The following ROBO2 variants were observed in gnomAD, a reference collection of about 807,000 sequenced individuals.
ROBO2 encodes the protein roundabout guidance receptor 2, also known as roundabout homolog 2.
A neutral mutation model predicts 160.8 loss-of-function variants in ROBO2; 53 were observed. That is an observed-to-expected ratio of 0.33 (90% CI 0.26 to 0.41). The LOEUF is 0.41. Ranked by LOEUF, ROBO2 falls within the 10% of genes least tolerant of loss-of-function variation. The probability of loss-of-function intolerance (pLI) is 1.00; values close to 1 mark genes in which losing one functional copy is unlikely to be tolerated. For missense variants in ROBO2, 1,577 were observed against 1,722.4 expected, an observed-to-expected ratio of 0.92 and a Z score of 1.49; for synonymous variants, 664 against 611.7, an observed-to-expected ratio of 1.09 and a Z score of -1.26.
intron 2 of ROBO2, among the ~76,000 whole-genome samples, chr3:76,237,220 T>G (rs768044621): frequency 3.9e-5 from 6 of 152,138 alleles, no homozygotes; most frequent in Non-Finnish European, 7.4e-5. Context: ...GATACCTAAA[T>G]CTTGGTGTTA....
At chr3:77,321,036 T>C (rs1378353395) in intron 2 of ROBO2, among the ~76,000 whole-genome samples, 1 of 152,186 alleles carries the variant, frequency 6.6e-6, no homozygotes, top group Non-Finnish European at 1.5e-5. Context: ...TCTAGTTGAC[T>C]AAGAAGATAG....
intron 1 of ROBO2, among the ~76,000 whole-genome samples, chr3:77,052,650 A>G (rs1359495761): frequency 6.6e-6 from 1 of 152,216 alleles, no homozygotes; most frequent in Non-Finnish European, 1.5e-5. Context: ...AATTGTGGCT[A>G]CTGTCAAATA....
At chr3:77,116,131 T>C (rs1161979873) in intron 2 of ROBO2, among the ~76,000 whole-genome samples, 1 of 152,186 alleles carries the variant, frequency 6.6e-6, no homozygotes, top group Non-Finnish European at 1.5e-5. Context: ...CGAATCCTGT[T>C]GGAGAAATCA....
intron 2 of ROBO2, among the ~76,000 whole-genome samples, chr3:76,179,953 C>T (rs1304746880): frequency 6.6e-6 from 1 of 152,170 alleles, no homozygotes; most frequent in Admixed American, 6.6e-5. Flanking sequence ...AGAACCGGTA[C>T]CTGATTTAGC....
intron 2 of ROBO2, among the ~76,000 whole-genome samples, chr3:77,357,812 T>C (rs1417577376): frequency 6.6e-6 from 1 of 152,110 alleles, no homozygotes; most frequent in Non-Finnish European, 1.5e-5. Context: ...AGTAGGGAAA[T>C]GGAAAGTAAA....
At chr3:77,460,667 G>A (rs962070307) in intron 2 of ROBO2, among the ~76,000 whole-genome samples, 2 of 152,114 alleles carry the variant, frequency 1.3e-5, no homozygotes, top group Admixed American at 1.3e-4. Flanking sequence ...CAATGCTTTC[G>A]TGGTAATGAT....
At chr3:76,570,447 C>A (rs1278334150) in intron 2 of ROBO2, among the ~76,000 whole-genome samples, 1 of 152,102 alleles carries the variant, frequency 6.6e-6, no homozygotes, top group Non-Finnish European at 1.5e-5. Flanking sequence ...ACATCTAGAG[C>A]GCTTTAAAAT....
chr3:77,516,340 G>A (rs1353632495), intron 5 of ROBO2, among the ~76,000 whole-genome samples: 2 of 151,386 alleles, frequency 1.3e-5, no homozygotes, highest in Non-Finnish European at 3.0e-5. Flanking sequence ...TACCAGAATT[G>A]TTAAAAGTAT....
intron 2 of ROBO2, among the ~76,000 whole-genome samples, chr3:76,945,130 C>T (rs1026913887): frequency 2.0e-5 from 3 of 152,040 alleles, no homozygotes; most frequent in Non-Finnish European, 4.4e-5. Context: ...CCTCGTGATC[C>T]GCCCGCCTCC....
chr3:76,196,178 A>C (rs1273075603), intron 2 of ROBO2, among the ~76,000 whole-genome samples: 1 of 152,126 alleles, frequency 6.6e-6, no homozygotes, highest in Non-Finnish European at 1.5e-5. Context: ...CCAAGAAGCT[A>C]AAATGTTTCA....
chr3:76,849,649 C>A (rs2069125250), intron 2 of ROBO2, among the ~76,000 whole-genome samples: 1 of 152,056 alleles, frequency 6.6e-6, no homozygotes, highest in South Asian at 2.1e-4. Context: ...TCTGTTTTGA[C>A]ATGGCATAAT....
chr3:76,481,354 T>G (rs1400430039), intron 2 of ROBO2, among the ~76,000 whole-genome samples: 2 of 152,106 alleles, frequency 1.3e-5, no homozygotes, highest in Non-Finnish European at 2.9e-5. Flanking sequence ...GAAATTGAAT[T>G]TCCTCCAGGG....
intron 2 of ROBO2, among the ~76,000 whole-genome samples, chr3:76,996,247 A>T (rs1043070263): frequency 2.0e-5 from 3 of 152,162 alleles, no homozygotes; most frequent in African/African-American, 7.2e-5. Flanking sequence ...GGTGTGTCAA[A>T]GATCAGATAG....
At chr3:77,278,786 G>C (rs959405094) in intron 2 of ROBO2, among the ~76,000 whole-genome samples, 1 of 152,048 alleles carries the variant, frequency 6.6e-6, no homozygotes, top group Non-Finnish European at 1.5e-5. Flanking sequence ...TGTCTTGCCA[G>C]TTGTGGAGAT....
chr3:77,119,065 A>C (rs1024384619), intron 2 of ROBO2, among the ~76,000 whole-genome samples: 2 of 152,012 alleles, frequency 1.3e-5, no homozygotes, highest in African/African-American at 4.8e-5. Flanking sequence ...GTGAGTTCTC[A>C]CGAGATCTGA....
At chr3:76,295,575 G>A (rs1709028746) in intron 2 of ROBO2, among the ~76,000 whole-genome samples, 2 of 152,144 alleles carry the variant, frequency 1.3e-5, no homozygotes, top group Middle Eastern at 3.4e-3. Context: ...GACCTATAAC[G>A]ACTCATTGAT....
intron 2 of ROBO2, among the ~76,000 whole-genome samples, chr3:76,198,943 A>C (rs1702388307): frequency 6.6e-6 from 1 of 152,166 alleles, no homozygotes; most frequent in Admixed American, 6.5e-5. Flanking sequence ...AAAATGTATG[A>C]AATTGAACTG....
At chr3:76,584,300 A>G (rs1326387753) in intron 2 of ROBO2, among the ~76,000 whole-genome samples, 1 of 148,860 alleles carries the variant, frequency 6.7e-6, no homozygotes, top group Non-Finnish European at 1.5e-5. Flanking sequence ...TTATGAGTTG[A>G]ATTGTTCCAA....
intron 2 of ROBO2, among the ~76,000 whole-genome samples, chr3:76,094,377 G>A (rs1414138907): frequency 6.6e-6 from 1 of 152,178 alleles, no homozygotes; most frequent in Non-Finnish European, 1.5e-5. Context: ...CAACAACACA[G>A]TGCCACTAAG....
Sources: gnomAD v4.1 joint callset for allele counts (sites outside exome capture counted in the v4.1 genomes callset) on GRCh38, gnomAD v4.1.1 for gene constraint, MANE v1.5 for transcripts, NCBI Gene and HGNC (gene_info 2026-07-23, HGNC 2026-07-21) for gene names.